SLC35D1: variants seen among roughly 807,000 people sequenced by gnomAD.
SLC35D1 encodes the protein solute carrier family 35 member D1, also known as nucleotide sugar transporter SLC35D1.
In SLC35D1, 31 loss-of-function variants were observed where a neutral mutation model predicts 46.7. The ratio of observed to expected loss-of-function variants is 0.66; its 90% CI spans 0.50 to 0.90. The LOEUF (loss-of-function observed/expected upper bound fraction) is 0.90, where lower values mean the gene tolerates loss of function less well. SLC35D1 is among the 40% of genes least tolerant of loss of function. The probability of loss-of-function intolerance (pLI) is 0.00; values close to 1 mark genes in which losing one functional copy is unlikely to be tolerated. For synonymous variants in SLC35D1, 195 were observed against 164.6 expected (o/e 1.18, Z -1.41); for missense variants, 397 against 426.2 (o/e 0.93, Z 0.60).
intron 10 of SLC35D1, among the ~76,000 whole-genome samples, chr1:67,015,942 A>G (rs1309540784): frequency 6.6e-6 from 1 of 152,104 alleles, no homozygotes; most frequent in Non-Finnish European, 1.5e-5. Flanking sequence ...AACCTTTGTT[A>G]TCTGACATAT....
chr1:67,033,878 G>A (rs1002994154), intron 8 of SLC35D1, among the ~76,000 whole-genome samples: 1 of 152,154 alleles, frequency 6.6e-6, no homozygotes, highest in Non-Finnish European at 1.5e-5. Flanking sequence ...AGGAGATAGG[G>A]ATCTAGCGTC....
rs1288224032 is a variant in SLC35D1 at position 67,000,544 on chromosome 1, T to C, written c.*3796A>G. 2 of 152,330 alleles carry C rather than the reference T, an allele frequency of 1.3e-5. No individual in the cohort carries two copies. Among genetic ancestry groups the C allele is most frequent in the Non-Finnish European group, 2.9e-5 (2 of 68,028 alleles). 9.4% of individuals were successfully genotyped at this position (152,330 alleles called of 1,614,324 possible). A position where few individuals can be genotyped will look rare whatever the true frequency, so the allele number is the denominator to read the frequency against. ...TCCTGTTTTTCAGGACAGACCGTAT[T>C]GCCCAAGCCTCTAGCATTTACGGAG... On this transcript the variant is annotated 3_prime_UTR_variant, in exon 12 of 12. Coordinates refer to ENST00000235345, the MANE Select transcript of SLC35D1 (RefSeq NM_015139.3).
At chr1:67,051,548 T>C (rs1186226470) in intron 4 of SLC35D1, among the ~76,000 whole-genome samples, 3 of 152,208 alleles carry the variant, frequency 2.0e-5, no homozygotes, top group Non-Finnish European at 2.9e-5. Flanking sequence ...ATAATATTTT[T>C]ATCAGGGTTC....
chr1:66,980,457 T>A, the SLC35D1 span, among the ~76,000 whole-genome samples: 1 of 152,228 alleles, frequency 6.6e-6, no homozygotes, highest in African/African-American at 2.4e-5. Context: ...AGGTATCACA[T>A]CCCTATATTT....
chr1:67,049,210 C>T (rs897469324), intron 6 of SLC35D1, among the ~76,000 whole-genome samples: 4 of 151,624 alleles, frequency 2.6e-5, no homozygotes, highest in African/African-American at 7.3e-5. Flanking sequence ...AGGAGAATGG[C>T]GTAAACCTGG....
intron 8 of SLC35D1, among the ~76,000 whole-genome samples, chr1:67,040,693 C>T (rs1208685480): frequency 2.6e-5 from 4 of 152,136 alleles, no homozygotes; most frequent in African/African-American, 4.8e-5. Context: ...AAATGCTAAG[C>T]ACTCTCACCT....
the SLC35D1 span, among the ~76,000 whole-genome samples, chr1:66,974,171 G>C: frequency 1.3e-5 from 2 of 151,552 alleles, no homozygotes; most frequent in Non-Finnish European, 2.9e-5. Context: ...TTATTTTGTT[G>C]AATGTTGGCA....
At chr1:66,995,597 G>A (rs577254259), downstream of SLC35D1, among the ~76,000 whole-genome samples, 2 of 152,030 alleles carry the variant, frequency 1.3e-5, no homozygotes, top group East Asian at 1.9e-4. Context: ...GGCTGGTCAA[G>A]GAAGACCCAC....
chr1:67,053,812 T>C lies in SLC35D1; in HGVS notation c.202A>G (p.Arg68Gly), dbSNP rs760173949. Reference protein sequence around the residue: ...VVNKSVLTNYRFPSSLCVGLG... With the variant: ...VVNKSVLTNYGFPSSLCVGLG... ...GGGCCGCCGCCGCCTCGGCCCTACC[T>C]GTAATTGGTGAGCACGCTCTTATTC... is the stretch of plus-strand genomic sequence containing the variant. The change falls in exon 1 of 12, where the codon AGA becomes GGA. Residue 68 changes from arginine (R) to glycine (G), a missense_variant and splice_region_variant. By Grantham distance (125) the Arg-to-Gly change is moderately radical. Coordinates refer to ENST00000235345, the MANE Select transcript of SLC35D1 (RefSeq NM_015139.3). The C allele has an allele frequency of 3.1e-6, 5 of 1,604,504 alleles. No individual in the cohort carries two copies. Among genetic ancestry groups the C allele is most frequent in the East Asian group, 2.3e-5 (1 of 43,900 alleles).
In SLC35D1 at chr1:67,002,852, C is replaced by G. The variant is rs1283635777; in HGVS notation, c.*1488G>C. The G allele has an allele frequency of 6.6e-6, 1 of 152,392 alleles. No homozygotes were observed. Among genetic ancestry groups the G allele is most frequent in the East Asian group, 1.9e-4 (1 of 5,338 alleles). 9.4% of individuals were successfully genotyped at this position (152,392 alleles called of 1,614,324 possible). A position where few individuals can be genotyped will look rare whatever the true frequency, so the allele number is the denominator to read the frequency against. On this transcript the variant is annotated 3_prime_UTR_variant, in exon 12 of 12. Transcript: ENST00000235345. ...AATCTCTTGCACACTGGCTGTACAACTGGCCTGAGCAAACACACTAATCCT... is the reference window on the plus strand; with the variant it reads ...AATCTCTTGCACACTGGCTGTACAAGTGGCCTGAGCAAACACACTAATCCT...
rs558145038 is a variant in SLC35D1, at chr1:67,015,890, G to T, written c.876+4479C>A. Among the ~76,000 whole-genome samples the T allele has an allele frequency of 1.8e-3, 266 of 151,998 alleles. 2 individuals are homozygous for T. Among genetic ancestry groups the T allele is most frequent in the African/African-American group, 6.1e-3 (252 of 41,454 alleles). On this transcript the variant is annotated intron_variant, in intron 10 of 11. Coordinates refer to ENST00000235345, the MANE Select transcript of SLC35D1 (RefSeq NM_015139.3). The stretch of plus-strand genomic sequence containing the variant: ...CTTTTTAAAATCTTTAAATTATCAC[G>T]TTGACTAATGATATCTTTTAGTGGC...
In SLC35D1 at chr1:67,054,047, C is replaced by A. The variant is rs368830788; in HGVS notation, c.-34G>T. The A allele has an allele frequency of 1.3e-4, 207 of 1,602,900 alleles. No individual in the cohort carries two copies. The highest frequency in any genetic ancestry group is 9.5e-4 in the Middle Eastern group (5 of 5,238). On this transcript the variant is annotated 5_prime_UTR_variant, in exon 1 of 12. Transcript: ENST00000235345. ...CAGCAGCGGTGGCCTGGCGGCGGGGCCTAGCGGCTCGGGGGCCTGCAGCGG... is the reference window on the plus strand; with the variant it reads ...CAGCAGCGGTGGCCTGGCGGCGGGGACTAGCGGCTCGGGGGCCTGCAGCGG...
rs1009721296 is a variant in SLC35D1 at position 67,000,059 on chromosome 1, C to T, written c.*4281G>A. 2 of 150,328 alleles carry T rather than the reference C, an allele frequency of 1.3e-5. No homozygotes were observed. The highest frequency in any genetic ancestry group is 4.9e-5 in the African/African-American group (2 of 40,788). 9.3% of individuals were successfully genotyped at this position (150,328 alleles called of 1,614,324 possible). On this transcript the variant is annotated 3_prime_UTR_variant, in exon 12 of 12. Coordinates refer to ENST00000235345, the MANE Select transcript of SLC35D1 (RefSeq NM_015139.3). The stretch of plus-strand genomic sequence containing the variant: ...CTGAGACAGAAGGGTTACTTGAGGC[C>T]AGGAGTTTGAGACCAGTCTGGCAAC...
intron 7 of SLC35D1, among the ~76,000 whole-genome samples, chr1:67,044,253 T>C (rs1184033788): frequency 6.6e-6 from 1 of 151,314 alleles, no homozygotes; most frequent in African/African-American, 2.4e-5. Flanking sequence ...CAAGAATCAC[T>C]TGAACCCAGG....
At chr1:67,039,524 C>T (rs1043957792) in intron 8 of SLC35D1, among the ~76,000 whole-genome samples, 6 of 48,394 alleles carry the variant, frequency 1.2e-4, no homozygotes, top group Non-Finnish European at 3.4e-4. Context: ...TGTGTGTGCG[C>T]GCGTGGGGGG....
chr1:67,003,740 C>T lies in SLC35D1; in HGVS notation c.*600G>A, dbSNP rs184516949. 1 of 155,212 alleles carries T rather than the reference C, an allele frequency of 6.4e-6. No individual in the cohort carries two copies. The highest frequency in any genetic ancestry group is 1.4e-5 in the Non-Finnish European group (1 of 69,756). The allele number at this position is 155,212 out of a possible 1,614,324, so 9.6% of individuals were successfully genotyped here. A position where few individuals can be genotyped will look rare whatever the true frequency, so the allele number is the denominator to read the frequency against. On this transcript the variant is annotated 3_prime_UTR_variant, in exon 12 of 12. Transcript: ENST00000235345. ...AAAGAACATGTTTTCAAGGAATGCA[C>T]TCTGCTCATCCTATGAAAGTCAGGG...
intron 10 of SLC35D1, among the ~76,000 whole-genome samples, chr1:67,013,768 G>C (rs1287476249): frequency 1.3e-5 from 2 of 152,066 alleles, no homozygotes; most frequent in Non-Finnish European, 2.9e-5. Flanking sequence ...TCATCACCAC[G>C]GTAAGAGCTA....
At chr1:67,016,962 G>C (rs1007215786) in intron 10 of SLC35D1, among the ~76,000 whole-genome samples, 25 of 152,106 alleles carry the variant, frequency 1.6e-4, no homozygotes, top group Non-Finnish European at 7.4e-5. Context: ...CTTTCTGACA[G>C]ACCAAGGGAC....
At chr1:67,039,294 C>T (rs2102337082) in intron 8 of SLC35D1, among the ~76,000 whole-genome samples, 1 of 152,276 alleles carries the variant, frequency 6.6e-6, no homozygotes, top group Non-Finnish European at 1.5e-5. Flanking sequence ...TATATAAAAA[C>T]TATCTTTTCC....
Sources: gnomAD v4.1 joint callset for allele counts (sites outside exome capture counted in the v4.1 genomes callset) on GRCh38, gnomAD v4.1.1 for gene constraint, MANE v1.5 for transcripts, NCBI Gene and HGNC (gene_info 2026-07-23, HGNC 2026-07-21) for gene names.